Variants in RNF220 observed in about 807,000 individuals in gnomAD.
RNF220 encodes E3 ubiquitin-protein ligase RNF220.
In RNF220, 7 loss-of-function variants were observed where a neutral mutation model predicts 67.1. The observed-to-expected ratio is 0.10, with a 90% CI of 0.06 to 0.20. The LOEUF (loss-of-function observed/expected upper bound fraction) is 0.20. Ranked by LOEUF, RNF220 falls within the 10% of genes least tolerant of loss-of-function variation. RNF220 has a pLI of 1.00. For missense variants in RNF220, 565 were observed against 740.3 expected, an observed-to-expected ratio of 0.76 and a Z score of 2.75; for synonymous variants, 270 against 283.2, an observed-to-expected ratio of 0.95 and a Z score of 0.47.
rs59473428 is a variant in RNF220, at chr1:44,556,568, CT to C, written c.626-57586del. On this transcript the variant is annotated intron_variant, in intron 2 of 14. Transcript: ENST00000361799. ...CCTTTTCCTGTCTGCTCTTCCTGTT[CT>C]TTTTTTTTTTGACAGAGTCTGGCTC... 5.3e-4 allele frequency among the ~76,000 whole-genome samples: 74 copies of C among 140,556 alleles called. 1 individual carries two copies. Among genetic ancestry groups the C allele is most frequent in the South Asian group, 4.0e-3 (18 of 4,506 alleles). 92.2% of individuals were successfully genotyped at this position (140,556 alleles called of 152,430 possible).
intron 1 of RNF220, among the ~76,000 whole-genome samples, chr1:44,409,209 CACAGAT>C (rs1288604196): frequency 2.0e-5 from 3 of 150,006 alleles, no homozygotes; most frequent in African/African-American, 7.6e-5. Flanking sequence ...AACAAACTCC[CACAGAT>C]ACGGAACTGA....
At chr1:44,632,523 A>G (rs751035044) in intron 6 of RNF220, 138 bp downstream of exon 6, 2 of 835,284 alleles carry the variant, frequency 2.4e-6, no homozygotes, top group Non-Finnish European at 3.9e-6. Context: ...GCGCCTGAGT[A>G]TGTGCAAACC....
At chr1:44,591,684 A>C (rs749744201) in intron 2 of RNF220, among the ~76,000 whole-genome samples, 2 of 152,128 alleles carry the variant, frequency 1.3e-5, no homozygotes, top group Non-Finnish European at 2.9e-5. Flanking sequence ...ATGGTCTATA[A>C]GTCCTCCCGG....
intron 2 of RNF220, among the ~76,000 whole-genome samples, chr1:44,526,814 TCC>T (rs1399112593): frequency 6.6e-6 from 1 of 152,036 alleles, no homozygotes; most frequent in Non-Finnish European, 1.5e-5. Flanking sequence ...CTTCCCCACC[TCC>T]CATTCAGTCA....
At chr1:44,448,466 C>T (rs539551797) in intron 2 of RNF220, among the ~76,000 whole-genome samples, 1 of 152,334 alleles carries the variant, frequency 6.6e-6, no homozygotes, top group South Asian at 2.1e-4. Flanking sequence ...TATCATGTGG[C>T]ACAAGCCTTC....
intron 9 of RNF220, 98 bp from the exon 10 acceptor site, chr1:44,644,897 G>A: frequency 6.5e-7 from 1 of 1,530,476 alleles, no homozygotes; most frequent in South Asian, 1.1e-5. Flanking sequence ...CCCCGGGCCA[G>A]AGTCTCAGCT....
At chr1:44,483,880 G>C (rs776978296) in intron 2 of RNF220, among the ~76,000 whole-genome samples, 14 of 152,314 alleles carry the variant, frequency 9.2e-5, no homozygotes, top group Admixed American at 2.6e-4. Context: ...AATGCAGCTT[G>C]TCTGGTGTGT....
chr1:44,627,370 A>G (rs866495520), intron 5 of RNF220, among the ~76,000 whole-genome samples: 83 of 142,076 alleles, frequency 5.8e-4, no homozygotes, highest in African/African-American at 2.0e-3. Context: ...AAAAAAAAAA[A>G]GCGTGATACC....
chr1:44,519,402 C>G (rs1486512592), intron 2 of RNF220, among the ~76,000 whole-genome samples: 2 of 152,146 alleles, frequency 1.3e-5, no homozygotes, highest in Non-Finnish European at 2.9e-5. Context: ...ATTATCAAAG[C>G]AAGCATAGGG....
chr1:44,645,519 A>G lies in RNF220; in HGVS notation c.1445+31A>G. 1 of 1,606,090 alleles carries G rather than the reference A, an allele frequency of 6.2e-7. No individual in the cohort carries two copies. The highest frequency in any genetic ancestry group is 2.2e-5 in the East Asian group (1 of 44,662). ...TGTTTGGCCAGGAGAGAGCCCTGGG[A>G]CCACAGTTCAGTGGGAGGAGGGGCC... is the stretch of plus-strand genomic sequence containing the variant. On this transcript the variant is annotated intron_variant, in intron 12 of 14. Transcript: ENST00000361799. The surrounding 1 kb of genome is among the most constrained non-coding windows in gnomAD (Gnocchi z 5.0).
intron 2 of RNF220, among the ~76,000 whole-genome samples, chr1:44,465,834 A>G (rs1480209764): frequency 1.3e-5 from 2 of 152,228 alleles, no homozygotes; most frequent in Non-Finnish European, 2.9e-5. Context: ...TCATTGCTTA[A>G]AAATGCTAAT....
chr1:44,459,003 T>A (rs1653482022), intron 2 of RNF220, among the ~76,000 whole-genome samples: 1 of 152,228 alleles, frequency 6.6e-6, no homozygotes. Flanking sequence ...CCCTTGCTCC[T>A]GTTATAACTG....
chr1:44,528,666 G>A (rs1236003643), intron 2 of RNF220, among the ~76,000 whole-genome samples: 3 of 146,388 alleles, frequency 2.0e-5, no homozygotes, highest in African/African-American at 7.6e-5. Context: ...CCAAGCTGGA[G>A]TGCAATGGCA....
intron 2 of RNF220, among the ~76,000 whole-genome samples, chr1:44,512,706 G>T (rs1269563570): frequency 6.6e-6 from 1 of 152,234 alleles, no homozygotes; most frequent in African/African-American, 2.4e-5. Context: ...AAGTGACGAC[G>T]GAGGCGGCAG....
intron 2 of RNF220, among the ~76,000 whole-genome samples, chr1:44,423,494 T>C (rs1649440694): frequency 6.6e-6 from 1 of 152,202 alleles, no homozygotes; most frequent in Admixed American, 6.5e-5. Flanking sequence ...TCTAAAGATA[T>C]GTCACTAGAA....
intron 2 of RNF220, among the ~76,000 whole-genome samples, chr1:44,455,481 T>G (rs1653085782): frequency 6.6e-6 from 1 of 152,208 alleles, no homozygotes; most frequent in Non-Finnish European, 1.5e-5. Context: ...TCCTGGGGGC[T>G]CATGGGGCTC....
At chr1:44,564,751 CAA>C (rs34127522) in intron 2 of RNF220, among the ~76,000 whole-genome samples, 23 of 93,672 alleles carry the variant, frequency 2.5e-4, no homozygotes, top group African/African-American at 2.0e-4. Context: ...GACTCCATCT[CAA>C]AAAAAAAAAA....
intron 2 of RNF220, among the ~76,000 whole-genome samples, chr1:44,435,067 A>T (rs1253222319): frequency 6.6e-6 from 1 of 152,030 alleles, no homozygotes; most frequent in Non-Finnish European, 1.5e-5. Context: ...AATGTCTTAA[A>T]GTTTTTGAAA....
chr1:44,522,661 C>T (rs1422743967), intron 2 of RNF220, among the ~76,000 whole-genome samples: 1 of 151,372 alleles, frequency 6.6e-6, no homozygotes, highest in African/African-American at 2.4e-5. Flanking sequence ...CCTGGGGGGG[C>T]GGGGGGACCT....
Sources: gnomAD v4.1 joint callset for allele counts (sites outside exome capture counted in the v4.1 genomes callset) on GRCh38, gnomAD v4.1.1 for gene constraint, Gnocchi (gnomAD v3.1) non-coding constraint, MANE v1.5 for transcripts, NCBI Gene and HGNC (gene_info 2026-07-23, HGNC 2026-07-21) for gene names.